Variants in TMEM232 observed in about 807,000 individuals in gnomAD.
The protein encoded by TMEM232 is transmembrane protein 232.
Under a neutral mutation model 78.8 loss-of-function variants are expected in TMEM232, and 80 were observed. The ratio of observed to expected loss-of-function variants is 1.01; its 90% CI spans 0.85 to 1.22. The LOEUF (loss-of-function observed/expected upper bound fraction) is 1.22, where lower values mean the gene tolerates loss of function less well. TMEM232 is among the 50% of genes most tolerant of loss of function. The pLI, the probability that TMEM232 is intolerant of heterozygous loss-of-function variation, is 0.00. For missense variants in TMEM232, 881 were observed against 742.2 expected (o/e 1.19, Z -2.17); for synonymous variants, 297 against 254.3 (o/e 1.17, Z -1.60).
At chr5:110,448,569 G>A (rs1160389408) in intron 12 of TMEM232, among the ~76,000 whole-genome samples, 1 of 151,962 alleles carries the variant, frequency 6.6e-6, no homozygotes, top group Non-Finnish European at 1.5e-5. Flanking sequence ...TGCTTAAAGA[G>A]AAAATAACAA....
intron 1 of TMEM232, among the ~76,000 whole-genome samples, chr5:110,693,022 A>AC (rs900770293): frequency 7.2e-5 from 11 of 152,058 alleles, no homozygotes; most frequent in African/African-American, 2.4e-4. Context: ...TGGGTCCCTG[A>AC]CCCCCGAGTA....
intron 11 of TMEM232, among the ~76,000 whole-genome samples, chr5:110,537,470 TA>T (rs1212043875): frequency 6.6e-6 from 1 of 151,794 alleles, no homozygotes; most frequent in Non-Finnish European, 1.5e-5. Context: ...TACCAAAACC[TA>T]ACAATCTGCA....
chr5:110,559,014 GA>G (rs1359317539), intron 11 of TMEM232, among the ~76,000 whole-genome samples: 1 of 152,128 alleles, frequency 6.6e-6, no homozygotes, highest in African/African-American at 2.4e-5. Flanking sequence ...ATTTTCCAGG[GA>G]TCTGCTCAGA....
intron 5 of TMEM232, among the ~76,000 whole-genome samples, chr5:110,634,035 T>G (rs1160926554): frequency 2.0e-5 from 3 of 152,048 alleles, no homozygotes; most frequent in Non-Finnish European, 4.4e-5. Flanking sequence ...CAAAAGCAAG[T>G]AGGAGTAACT....
chr5:110,413,297 G>T (rs1259106404), intron 2 of TMEM232, among the ~76,000 whole-genome samples: 1 of 152,070 alleles, frequency 6.6e-6, no homozygotes, highest in East Asian at 1.9e-4. Context: ...TTAGCTTTTG[G>T]ACTCCTGGAC....
At chr5:110,592,147 C>A in intron 10 of TMEM232, among the ~76,000 whole-genome samples, 1 of 152,016 alleles carries the variant, frequency 6.6e-6, no homozygotes, top group Middle Eastern at 3.2e-3. Flanking sequence ...ATGTATTTGT[C>A]AAGTAATGGC....
At chr5:110,700,180 T>G (rs1795266979) in intron 1 of TMEM232, among the ~76,000 whole-genome samples, 1 of 152,032 alleles carries the variant, frequency 6.6e-6, no homozygotes. Context: ...CTGGTCAGTC[T>G]AAAGTCCAGC....
chr5:110,726,173 G>C (rs1798135560), intron 1 of TMEM232, among the ~76,000 whole-genome samples: 1 of 6,688 alleles, frequency 1.5e-4, no homozygotes, highest in South Asian at 2.5e-3. Flanking sequence ...CTCTTTTGAA[G>C]TCCAAGAGTC....
chr5:110,727,773 A>G (rs1580811874), upstream of TMEM232, among the ~76,000 whole-genome samples: 1 of 152,342 alleles, frequency 6.6e-6, no homozygotes, highest in African/African-American at 2.4e-5. Context: ...AGAAATTACA[A>G]TATGTGATCT....
chr5:110,524,132 G>A (rs6866887), intron 12 of TMEM232, among the ~76,000 whole-genome samples: 11,229 of 150,528 alleles, frequency 0.075, 823 homozygotes, highest in African/African-American at 0.19. Context: ...GCATGGTGGT[G>A]CGTGCCTGTA....
intron 10 of TMEM232, among the ~76,000 whole-genome samples, chr5:110,594,066 G>A (rs143515995): frequency 1.7e-4 from 26 of 152,078 alleles, no homozygotes; most frequent in African/African-American, 4.8e-4. Flanking sequence ...TGAAACCAAC[G>A]CAGAAGGTGG....
rs79405951 is a variant in TMEM232 at position 110,627,486 on chromosome 5, T to C, written c.601+295A>G. On this transcript the variant is annotated intron_variant, in intron 6 of 13. Coordinates refer to ENST00000455884, the MANE Select transcript of TMEM232 (RefSeq NM_001039763.4). ...AAGGAATAAGGTCTAGTGATCTATT[T>C]CACAACATGATAACTATAGTTAATA... Among the ~76,000 whole-genome samples, 551 of 152,168 alleles carry C rather than the reference T, an allele frequency of 3.6e-3. 2 individuals are homozygous for C. Among genetic ancestry groups the C allele is most frequent in the African/African-American group, 0.013 (536 of 41,518 alleles).
At chr5:110,530,138 G>A (rs531214860) in intron 11 of TMEM232, among the ~76,000 whole-genome samples, 1 of 152,278 alleles carries the variant, frequency 6.6e-6, no homozygotes, top group Admixed American at 6.5e-5. Flanking sequence ...ACTGACGAAA[G>A]ACTGATTATT....
intron 8 of TMEM232, among the ~76,000 whole-genome samples, chr5:110,613,570 C>T (rs1336969057): frequency 2.0e-5 from 3 of 152,092 alleles, no homozygotes; most frequent in Non-Finnish European, 4.4e-5. Flanking sequence ...CCAAAGGTGT[C>T]TTCCACCAAG....
intron 12 of TMEM232, among the ~76,000 whole-genome samples, chr5:110,446,252 G>A (rs565292050): frequency 6.6e-6 from 1 of 152,286 alleles, no homozygotes; most frequent in Non-Finnish European, 1.5e-5. Flanking sequence ...CTCTGAATCT[G>A]AGTGTTCCAT....
chr5:110,490,665 T>C (rs867567129), intron 12 of TMEM232, among the ~76,000 whole-genome samples: 15 of 152,108 alleles, frequency 9.9e-5, no homozygotes, highest in African/African-American at 3.1e-4. Context: ...ATTGAGAGTC[T>C]AGAAATAAAC....
chr5:110,620,626 TCTCTCTCTCTCTC>T (rs1783558799), intron 7 of TMEM232, among the ~76,000 whole-genome samples: 5 of 109,122 alleles, frequency 4.6e-5, no homozygotes, highest in Non-Finnish European at 7.3e-5. Context: ...TCTCTCTCTC[TCTCTCTCTCTCTC>T]CTCTCTCCTC....
chr5:110,595,867 G>C (rs551928154), intron 10 of TMEM232, among the ~76,000 whole-genome samples: 6 of 152,250 alleles, frequency 3.9e-5, no homozygotes, highest in Admixed American at 2.0e-4. Flanking sequence ...ATATTATCCG[G>C]AAGAACTTCC....
At chr5:110,543,891 T>C (rs906014542) in intron 11 of TMEM232, among the ~76,000 whole-genome samples, 7 of 152,206 alleles carry the variant, frequency 4.6e-5, no homozygotes, top group African/African-American at 1.7e-4. Flanking sequence ...TTATCTTCCT[T>C]CTTCTCTTAA....
Sources: allele counts gnomAD v4.1 joint callset (sites outside exome capture counted in the v4.1 genomes callset), GRCh38; gene constraint gnomAD v4.1.1; transcripts MANE v1.5; gene names NCBI Gene and HGNC (gene_info 2026-07-23, HGNC 2026-07-21).